The following RILPL1 variants were observed in gnomAD, a reference collection of about 807,000 sequenced individuals.
The protein encoded by RILPL1 is RILP-like protein 1.
Under a neutral mutation model 50.3 loss-of-function variants are expected in RILPL1, and 33 were observed. The ratio of observed to expected loss-of-function variants is 0.66; its 90% CI spans 0.50 to 0.88. The LOEUF is 0.88. Among genes scored for constraint, RILPL1 ranks in the 40% least tolerant of loss-of-function variants. The pLI is 0.00. For synonymous variants in RILPL1, 205 were observed against 228.6 expected, an observed-to-expected ratio of 0.90 and a Z score of 0.93; for missense variants, 418 against 542.5, an observed-to-expected ratio of 0.77 and a Z score of 2.28.
At chr12:123,500,220 G>GCGCC (rs1369824140) in intron 2 of RILPL1, among the ~76,000 whole-genome samples, 12 of 149,920 alleles carry the variant, frequency 8.0e-5, no homozygotes, top group Admixed American at 8.0e-4. Flanking sequence ...GTGAGCCACC[G>GCGCC]CGCCCGGCCT....
rs1294185047 is a variant in RILPL1 at position 123,512,145 on chromosome 12, CTG to C, written c.460+11348_460+11349del. 1.9e-4 allele frequency among the ~76,000 whole-genome samples: 6 copies of C among 31,686 alleles called. No homozygotes were observed. In the South Asian group the frequency reaches 3.3e-3, roughly 18 times the overall value. The allele number at this position is 31,686 out of a possible 152,430, so 20.8% of individuals were successfully genotyped here. On this transcript the variant is annotated intron_variant, in intron 2 of 6. Coordinates refer to ENST00000376874, the MANE Select transcript of RILPL1 (RefSeq NM_178314.5). ...TGTGTGTGTGTGGTGTGTGTGAGGTCTGTGTGTGTGGTGTGTGAGGTCTGTGT... is the reference window on the plus strand; with the variant it reads ...TGTGTGTGTGTGGTGTGTGTGAGGTCTGTGTGTGGTGTGTGAGGTCTGTGT...
rs1883182076 is a variant in RILPL1, at chr12:123,498,664, C to T, written c.681G>A (p.Val227=). The change falls in exon 4 of 7, where the codon GTG becomes GTA. Residue 227 remains valine, a synonymous_variant. Coordinates refer to ENST00000376874, the MANE Select transcript of RILPL1 (RefSeq NM_178314.5). This position sits in a 1 kb window ranked among gnomAD's most constrained non-coding sequence, Gnocchi z 4.3. ...AQGKALIEQK[V]ELEADLQTKE... is the part of the protein sequence containing the mutation. ...TGGTCTGCAGGTCTGCCTCCAGCTC[C>T]ACCTTCTGTTCGATCAGGGCTTTCC... 1 of 1,613,702 alleles carries T rather than the reference C, an allele frequency of 6.2e-7. No homozygotes were observed. The highest frequency in any genetic ancestry group is 8.5e-7 in the Non-Finnish European group (1 of 1,179,912).
chr12:123,512,208 CTG>C (rs1566136917), intron 2 of RILPL1, among the ~76,000 whole-genome samples: 1 of 56,040 alleles, frequency 1.8e-5, no homozygotes, highest in East Asian at 5.9e-4. Flanking sequence ...TGTGGTGTGT[CTG>C]AGGTCTGTGT....
chr12:123,481,812 C>G (rs1882022694), intron 6 of RILPL1, among the ~76,000 whole-genome samples: 1 of 152,098 alleles, frequency 6.6e-6, no homozygotes, highest in African/African-American at 2.4e-5. Flanking sequence ...TCGCCTCGGC[C>G]TCCCAAAGTG....
intron 6 of RILPL1, among the ~76,000 whole-genome samples, chr12:123,480,622 A>G (rs1350512198): frequency 6.6e-6 from 1 of 152,072 alleles, no homozygotes; most frequent in Non-Finnish European, 1.5e-5. Flanking sequence ...CTATCAAAGC[A>G]TACAAGATAG....
Position 123,507,927 on chromosome 12 carries a change from G to A in RILPL1, c.461-8391C>T, listed in dbSNP as rs184743182. 3.0e-4 allele frequency among the ~76,000 whole-genome samples: 38 copies of A among 126,580 alleles called. 1 individual carries two copies. Among genetic ancestry groups the A allele is most frequent in the Admixed American group, 1.9e-4 (2 of 10,750 alleles). The allele number at this position is 126,580 out of a possible 152,430, so 83.0% of individuals were successfully genotyped here. ...CTGCACTCCAGCCTGGGCAAAGAGA[G>A]TGAAACTCCATCTCAAAAAAAAAAA... On this transcript the variant is annotated intron_variant, in intron 2 of 6. Coordinates refer to ENST00000376874, the MANE Select transcript of RILPL1 (RefSeq NM_178314.5).
intron 2 of RILPL1, 100 bp from the exon 3 acceptor site, chr12:123,499,636 C>A: frequency 1.2e-6 from 1 of 867,488 alleles, no homozygotes; most frequent in Non-Finnish European, 1.9e-6. Context: ...TTAGTGGCCC[C>A]CCGGCCTCCT....
chr12:123,499,472 G>A lies in RILPL1; in HGVS notation c.525C>T (p.Asp175=), dbSNP rs755108953. The A allele has an allele frequency of 8.7e-6, 14 of 1,613,806 alleles. No individual in the cohort carries two copies. The highest frequency in any genetic ancestry group is 2.7e-5 in the African/African-American group (2 of 74,904). Residue 175 remains aspartate (D), a synonymous_variant, in exon 3 of 7, where the codon GAC becomes GAT. Coordinates refer to ENST00000376874, the MANE Select transcript of RILPL1 (RefSeq NM_178314.5). ...KLKEVVDKQR[D]EIRAKDRELG... is the part of the protein sequence containing the mutation. ...GCTCCCTGTCCTTGGCGCGGATCTC[G>A]TCGCGTTGTTTGTCCACCACCTCCT...
chr12:123,489,618 G>A lies in RILPL1; in HGVS notation c.802-3813C>T, dbSNP rs767901728. 1.3e-5 allele frequency among the ~76,000 whole-genome samples: 2 copies of A among 151,794 alleles called. No individual in the cohort carries two copies. Among genetic ancestry groups the A allele is most frequent in the Admixed American group, 6.6e-5 (1 of 15,200 alleles). On this transcript the variant is annotated intron_variant, in intron 4 of 6. Transcript: ENST00000376874. This position sits in a 1 kb window ranked among gnomAD's most constrained non-coding sequence, Gnocchi z 4.0. ...GATGGAGGTTACAGTGAGCTGACAC[G>A]GTGCCACTGTACTCCAGCCTGGGCG...
chr12:123,533,004 C>T lies in RILPL1; in HGVS notation c.309+170G>A, dbSNP rs1188909856. Reference sequence around the variant, plus strand: ...CTCTCGGGTGGTATCTGCCAGCCACCCCTGGTCGGGCAAAAGAAGGCCAGG... The same window carrying T: ...CTCTCGGGTGGTATCTGCCAGCCACTCCTGGTCGGGCAAAAGAAGGCCAGG... On this transcript the variant is annotated intron_variant, in intron 1 of 6. Coordinates refer to ENST00000376874, the MANE Select transcript of RILPL1 (RefSeq NM_178314.5). The surrounding 1 kb of genome is among the most constrained non-coding windows in gnomAD (Gnocchi z 6.2). Among the ~76,000 whole-genome samples, 2 of 152,178 alleles carry T rather than the reference C, an allele frequency of 1.3e-5. No homozygotes were observed. Among genetic ancestry groups the T allele is most frequent in the South Asian group, 4.1e-4 (2 of 4,832 alleles).
intron 4 of RILPL1, among the ~76,000 whole-genome samples, chr12:123,492,839 A>G (rs921715685): frequency 1.4e-5 from 2 of 144,740 alleles, no homozygotes; most frequent in African/African-American, 5.2e-5. Context: ...GGGCGGTGCA[A>G]GATGTGCTTT....
chr12:123,506,726 G>A (rs959087929), intron 2 of RILPL1, among the ~76,000 whole-genome samples: 1 of 152,132 alleles, frequency 6.6e-6, no homozygotes, highest in Non-Finnish European at 1.5e-5. Context: ...AAATGGGCAC[G>A]TGAATTATTT....
At chr12:123,511,541 CTGTG>C (rs142472908) in intron 2 of RILPL1, among the ~76,000 whole-genome samples, 14,808 of 93,850 alleles carry the variant, frequency 0.16, 1,041 homozygotes, top group Admixed American at 0.21. Flanking sequence ...TGTGTGAGGT[CTGTG>C]TGAGGTCTGT....
Position 123,511,489 on chromosome 12 carries a change from CTGTA to C in RILPL1, c.461-11957_461-11954del, listed in dbSNP as rs778537347. Among the ~76,000 whole-genome samples, 358 of 83,688 alleles carry C rather than the reference CTGTA, an allele frequency of 4.3e-3. 3 individuals carry two copies. Among genetic ancestry groups the C allele is most frequent in the Non-Finnish European group, 5.7e-3 (250 of 43,598 alleles). 54.9% of individuals were successfully genotyped at this position (83,688 alleles called of 152,430 possible). Reference sequence around the variant, plus strand: ...GGTCTGTGTGTGTGGTGTGTGAGGTCTGTATGTGTGTATGTGGTGTGTCTGAGGT... The same window carrying C: ...GGTCTGTGTGTGTGGTGTGTGAGGTCTGTGTGTATGTGGTGTGTCTGAGGT... On this transcript the variant is annotated intron_variant, in intron 2 of 6. Transcript: ENST00000376874.
chr12:123,533,051 G>A lies in RILPL1; in HGVS notation c.309+123C>T. ...CAGGGCCTCCCTCCCTCCCCACGTC[G>A]GGTCTCCTCTGGTCCGGTCCCTGAA... On this transcript the variant is annotated intron_variant, in intron 1 of 6. Coordinates refer to ENST00000376874, the MANE Select transcript of RILPL1 (RefSeq NM_178314.5). The surrounding 1 kb of genome is among the most constrained non-coding windows in gnomAD (Gnocchi z 6.2). 1.9e-6 allele frequency: 2 copies of A among 1,053,246 alleles called. No homozygotes were observed. The highest frequency in any genetic ancestry group is 2.7e-6 in the Non-Finnish European group (2 of 753,776). 65.2% of individuals were successfully genotyped at this position (1,053,246 alleles called of 1,614,324 possible).
At chr12:123,487,260 C>T (rs993150749) in intron 4 of RILPL1, among the ~76,000 whole-genome samples, 5 of 151,964 alleles carry the variant, frequency 3.3e-5, no homozygotes, top group East Asian at 1.9e-4. Flanking sequence ...TCACTTAGCA[C>T]GGTGTTTCCA....
chr12:123,482,635 TC>T (rs1566115254), intron 6 of RILPL1, among the ~76,000 whole-genome samples: 1 of 151,200 alleles, frequency 6.6e-6, no homozygotes, highest in African/African-American at 2.4e-5. Context: ...TTTTTTTTTT[TC>T]GAGACAGGGT....
At chr12:123,507,178 C>G (rs763665144) in intron 2 of RILPL1, among the ~76,000 whole-genome samples, 1 of 152,150 alleles carries the variant, frequency 6.6e-6, no homozygotes, top group Admixed American at 6.6e-5. Context: ...GCAACTGTAT[C>G]GTGGGGGGCC....
At chr12:123,507,590 G>A (rs894837610) in intron 2 of RILPL1, among the ~76,000 whole-genome samples, 10 of 150,770 alleles carry the variant, frequency 6.6e-5, no homozygotes, top group Non-Finnish European at 1.0e-4. Context: ...ATGTATGTGT[G>A]TATGTATGGG....
Sources: gnomAD v4.1 joint callset for allele counts (sites outside exome capture counted in the v4.1 genomes callset) on GRCh38, gnomAD v4.1.1 for gene constraint, Gnocchi (gnomAD v3.1) non-coding constraint, MANE v1.5 for transcripts, NCBI Gene and HGNC (gene_info 2026-07-23, HGNC 2026-07-21) for gene names.